MANBA: variants seen among roughly 807,000 people sequenced by gnomAD.
MANBA encodes the protein beta-mannosidase.
In MANBA, 83 loss-of-function variants were observed where a neutral mutation model predicts 111.1. The ratio of observed to expected loss-of-function variants is 0.75; its 90% CI spans 0.63 to 0.90. The LOEUF is 0.90. Ranked by LOEUF, MANBA falls within the 40% of genes least tolerant of loss-of-function variation. The pLI is 0.00. For missense variants in MANBA, 1,036 were observed against 1,069.0 expected (o/e 0.97, Z 0.43); for synonymous variants, 370 against 378.7 (o/e 0.98, Z 0.27).
chr4:102,745,879 TCTC>T (rs538665139), intron 1 of MANBA, among the ~76,000 whole-genome samples: 133 of 152,276 alleles, frequency 8.7e-4, no homozygotes, highest in African/African-American at 3.1e-3. Flanking sequence ...GTGTAGCACA[TCTC>T]CTCAAGGGTC....
intron 7 of MANBA, among the ~76,000 whole-genome samples, chr4:102,678,509 C>G (rs1731820037): frequency 6.6e-6 from 1 of 150,636 alleles, no homozygotes; most frequent in Non-Finnish European, 1.5e-5. Flanking sequence ...TCATATGAGA[C>G]TAAAATTTTT....
At chr4:102,652,832 C>A (rs1425697209) in intron 12 of MANBA, among the ~76,000 whole-genome samples, 4 of 152,146 alleles carry the variant, frequency 2.6e-5, no homozygotes, top group African/African-American at 4.8e-5. Flanking sequence ...GAGTTTGAGG[C>A]TGCAGTGAGT....
chr4:102,697,474 A>C (rs1301260017), intron 5 of MANBA, among the ~76,000 whole-genome samples: 1 of 151,114 alleles, frequency 6.6e-6, no homozygotes, highest in Non-Finnish European at 1.5e-5. Context: ...GTCATCTATC[A>C]TTAGGTATAT....
At chr4:102,696,773 T>C (rs1264556567) in intron 5 of MANBA, among the ~76,000 whole-genome samples, 1 of 152,166 alleles carries the variant, frequency 6.6e-6, no homozygotes, top group Non-Finnish European at 1.5e-5. Context: ...CCTCCATCTT[T>C]AATAGAGTAT....
chr4:102,647,813 T>C (rs1730166648), intron 13 of MANBA, among the ~76,000 whole-genome samples: 2 of 152,134 alleles, frequency 1.3e-5, no homozygotes, highest in Non-Finnish European at 2.9e-5. Context: ...AAAAAGATTA[T>C]TCTTTCAGCT....
intron 5 of MANBA, among the ~76,000 whole-genome samples, chr4:102,710,009 C>A (rs573550309): frequency 6.6e-6 from 1 of 152,158 alleles, no homozygotes; most frequent in South Asian, 2.1e-4. Context: ...AAGGAGCATA[C>A]CTCAACATAA....
At chr4:102,710,727 G>A (rs1173519391) in intron 5 of MANBA, among the ~76,000 whole-genome samples, 1 of 151,784 alleles carries the variant, frequency 6.6e-6, no homozygotes, top group South Asian at 2.1e-4. Context: ...TCAAAAGAAG[G>A]CATCACACTA....
chr4:102,680,271 T>C (rs1368133879), intron 7 of MANBA, among the ~76,000 whole-genome samples: 1 of 152,244 alleles, frequency 6.6e-6, no homozygotes, highest in African/African-American at 2.4e-5. Context: ...TATTTCACTG[T>C]ACATTGTTCA....
intron 7 of MANBA, among the ~76,000 whole-genome samples, chr4:102,678,827 C>T (rs1262195835): frequency 2.0e-5 from 3 of 152,118 alleles, no homozygotes; most frequent in Non-Finnish European, 4.4e-5. Flanking sequence ...TACGGTACTC[C>T]TCAAATTTCT....
intron 1 of MANBA, among the ~76,000 whole-genome samples, chr4:102,736,579 C>T (rs1723223259): frequency 6.6e-6 from 1 of 152,222 alleles, no homozygotes; most frequent in South Asian, 2.1e-4. Context: ...ATCTTGTTTA[C>T]AGGCGTTGTT....
rs1236682050 is a variant in MANBA, at chr4:102,687,474, C to T, written c.960+2100G>A. Among the ~76,000 whole-genome samples, 3 of 152,208 alleles carry T rather than the reference C, an allele frequency of 2.0e-5. No homozygotes were observed. In the East Asian group the frequency reaches 5.8e-4, roughly 29 times the overall value. ...CTTTGTCCTAGCTACTTTTACAACA[C>T]CATCTCTTGTTCTTCAACTTCAAAC... On this transcript the variant is annotated intron_variant, in intron 7 of 16. Transcript: ENST00000647097.
chr4:102,678,244 C>A (rs1472677526), intron 7 of MANBA, among the ~76,000 whole-genome samples: 1 of 152,124 alleles, frequency 6.6e-6, no homozygotes, highest in African/African-American at 2.4e-5. Flanking sequence ...AAACCCAAAC[C>A]ACCTGACAGT....
At chr4:102,682,146 C>CA (rs1244673574) in intron 7 of MANBA, among the ~76,000 whole-genome samples, 4,247 of 62,114 alleles carry the variant, frequency 0.068, 245 homozygotes, top group African/African-American at 0.2. Flanking sequence ...AACTCTGTCT[C>CA]AAAAAAAAAA....
chr4:102,707,820 T>C (rs922968412), intron 5 of MANBA, among the ~76,000 whole-genome samples: 22 of 152,122 alleles, frequency 1.4e-4, no homozygotes, highest in Admixed American at 1.0e-3. Context: ...TGGAAAAATA[T>C]ATTCCATGCA....
intron 9 of MANBA, among the ~76,000 whole-genome samples, chr4:102,669,709 G>A (rs1468545252): frequency 6.6e-6 from 1 of 152,028 alleles, no homozygotes; most frequent in African/African-American, 2.4e-5. Context: ...GGCCAGGCAC[G>A]GTGGCTCACG....
intron 2 of MANBA, among the ~76,000 whole-genome samples, chr4:102,726,046 T>C (rs1416213795): frequency 1.3e-5 from 2 of 152,174 alleles, no homozygotes; most frequent in Admixed American, 6.5e-5. Flanking sequence ...CTCCATGATA[T>C]TGATAACAAT....
intron 5 of MANBA, among the ~76,000 whole-genome samples, chr4:102,697,953 A>G (rs1170150788): frequency 6.6e-6 from 1 of 151,676 alleles, no homozygotes; most frequent in African/African-American, 2.4e-5. Context: ...ACAATGGTTG[A>G]ACTAGTTTAC....
chr4:102,737,725 G>T (rs909364018), intron 1 of MANBA, among the ~76,000 whole-genome samples: 2 of 152,074 alleles, frequency 1.3e-5, no homozygotes, highest in East Asian at 1.9e-4. Flanking sequence ...CTCGTGATCC[G>T]CCCGCCTCGG....
intron 1 of MANBA, chr4:102,751,816 G>A (rs1723811885): frequency 2.0e-6 from 1 of 510,708 alleles, no homozygotes; most frequent in African/African-American, 2.0e-5. Context: ...GTTGGACATA[G>A]GGATGTCTTA....
Sources: allele counts gnomAD v4.1 joint callset (sites outside exome capture counted in the v4.1 genomes callset), GRCh38; gene constraint gnomAD v4.1.1; transcripts MANE v1.5; gene names NCBI Gene and HGNC (gene_info 2026-07-23, HGNC 2026-07-21).